The following PLXDC2 variants were observed in gnomAD, a reference collection of about 807,000 sequenced individuals.
PLXDC2 encodes plexin domain-containing protein 2.
PLXDC2 carries 40 observed loss-of-function variants against 68.9 expected under a neutral mutation model. The observed-to-expected ratio is 0.58, with a 90% confidence interval of 0.45 to 0.76. The LOEUF is 0.76. Among genes scored for constraint, PLXDC2 ranks in the 30% least tolerant of loss-of-function variants. The pLI, the probability that PLXDC2 is intolerant of heterozygous loss-of-function variation, is 0.00. For synonymous variants in PLXDC2, 243 were observed against 234.2 expected (o/e 1.04, Z -0.34); for missense variants, 644 against 661.9 (o/e 0.97, Z 0.30).
At position 20,056,329 on chromosome 10, in the gene PLXDC2, G is replaced by A. The variant is rs1219999633; in HGVS notation, c.471+9314G>A. On this transcript the variant is annotated intron_variant, in intron 3 of 13. Transcript: ENST00000377252. Reference sequence around the variant, plus strand: ...ATTGCACAAAATTAACATGATTAGAGTGGCTGAATTGTATTTCTCTGCATG... The same window carrying A: ...ATTGCACAAAATTAACATGATTAGAATGGCTGAATTGTATTTCTCTGCATG... 3.9e-5 allele frequency among the ~76,000 whole-genome samples: 6 copies of A among 152,148 alleles called. No individual in the cohort carries two copies. In the East Asian group the frequency reaches 1.2e-3, roughly 29 times the overall value.
intron 1 of PLXDC2, among the ~76,000 whole-genome samples, chr10:19,845,321 T>C (rs1350094347): frequency 6.6e-6 from 1 of 152,132 alleles, no homozygotes; most frequent in Non-Finnish European, 1.5e-5. Context: ...CCAGATGAAA[T>C]GTTAAACTGA....
In PLXDC2 at chr10:20,192,427, A is replaced by G. The variant is rs371991578; in HGVS notation, c.1061+15018A>G. On this transcript the variant is annotated intron_variant, in intron 9 of 13. Transcript: ENST00000377252. ...AATAATTGAGGTTATTGCAAAGTGCATAATTGACAAGGTAGGGTCCTCATA... is the reference window on the plus strand; with the variant it reads ...AATAATTGAGGTTATTGCAAAGTGCGTAATTGACAAGGTAGGGTCCTCATA... Among the ~76,000 whole-genome samples the G allele has an allele frequency of 3.5e-4, 53 of 152,236 alleles. 1 individual carries two copies. The East Asian group carries it at 7.4e-3, about 21-fold the overall frequency.
intron 4 of PLXDC2, among the ~76,000 whole-genome samples, chr10:20,121,858 C>T (rs913989069): frequency 3.3e-5 from 5 of 152,126 alleles, no homozygotes; most frequent in East Asian, 1.9e-4. Context: ...CTGTAGCAGG[C>T]GAGTGATAAC....
chr10:20,279,596 G>T, intron 13 of PLXDC2, 107 bp from the exon 14 acceptor site: 1 of 824,938 alleles, frequency 1.2e-6, no homozygotes, highest in Non-Finnish European at 2.0e-6. Flanking sequence ...ATAATTTAAT[G>T]TGTTAATTAA....
chr10:20,132,736 T>C (rs1259637630), intron 4 of PLXDC2, among the ~76,000 whole-genome samples: 1 of 149,442 alleles, frequency 6.7e-6, no homozygotes, highest in East Asian at 2.0e-4. Context: ...AAGCTAAGGT[T>C]AAGTCTTTTG....
At chr10:20,147,994 T>C in intron 6 of PLXDC2, 92 bp downstream of exon 6, 2 of 876,836 alleles carry the variant, frequency 2.3e-6, no homozygotes, top group Admixed American at 2.2e-5. Context: ...TTTACAGCCA[T>C]GATCCTCAAA....
At chr10:19,966,455 G>GCACA (rs1462042772) in intron 1 of PLXDC2, among the ~76,000 whole-genome samples, 3 of 22,352 alleles carry the variant, frequency 1.3e-4, no homozygotes. Context: ...AAACATGTGT[G>GCACA]TATATGTACA....
chr10:20,190,550 A>G (rs980799010), intron 9 of PLXDC2, among the ~76,000 whole-genome samples: 3 of 151,656 alleles, frequency 2.0e-5, no homozygotes, highest in Admixed American at 1.3e-4. Context: ...TACATATGTA[A>G]CAAACCTGCA....
Position 20,259,798 on chromosome 10 carries a change from G to A in PLXDC2, c.1473+14293G>A, listed in dbSNP as rs530819809. ...GGACCTGTGTAAGAATTTCTGAAGG[G>A]GCTGGAGCAGTATAGCACAAGGAAT... On this transcript the variant is annotated intron_variant, in intron 13 of 13. Transcript: ENST00000377252. 3.9e-5 allele frequency among the ~76,000 whole-genome samples: 6 copies of A among 152,290 alleles called. 1 individual carries two copies. The highest frequency in any genetic ancestry group is 1.4e-4 in the African/African-American group (6 of 41,570).
intron 4 of PLXDC2, among the ~76,000 whole-genome samples, chr10:20,082,512 T>C (rs1203357142): frequency 2.0e-5 from 3 of 152,206 alleles, no homozygotes; most frequent in Non-Finnish European, 2.9e-5. Context: ...GAAATGCAAG[T>C]TAAAACTATA....
intron 13 of PLXDC2, among the ~76,000 whole-genome samples, chr10:20,268,438 G>T (rs1340890571): frequency 6.6e-6 from 1 of 152,154 alleles, no homozygotes; most frequent in Non-Finnish European, 1.5e-5. Flanking sequence ...GGTCATATAT[G>T]TAAGTGTGGT....
chr10:19,867,696 G>A (rs1837447979), intron 1 of PLXDC2, among the ~76,000 whole-genome samples: 1 of 151,974 alleles, frequency 6.6e-6, no homozygotes, highest in Non-Finnish European at 1.5e-5. Flanking sequence ...GGGGCTCATG[G>A]CCTTCTTCCA....
intron 3 of PLXDC2, among the ~76,000 whole-genome samples, chr10:20,055,189 C>A (rs1199243159): frequency 6.6e-6 from 1 of 152,016 alleles, no homozygotes; most frequent in Non-Finnish European, 1.5e-5. Flanking sequence ...TTATATTGAA[C>A]TGTCCTTGAT....
rs575291477 is a variant in PLXDC2, at chr10:20,054,838, A to C, written c.471+7823A>C. Among the ~76,000 whole-genome samples, 6 of 152,126 alleles carry C rather than the reference A, an allele frequency of 3.9e-5. No individual in the cohort carries two copies. In the East Asian group the frequency reaches 9.7e-4, roughly 25 times the overall value. On this transcript the variant is annotated intron_variant, in intron 3 of 13. Coordinates refer to ENST00000377252, the MANE Select transcript of PLXDC2 (RefSeq NM_032812.9). ...CTTCACGTTGTGCACATGTACCCTA[A>C]AACTTAAAGTATAATAATAAAAAAA...
intron 13 of PLXDC2, among the ~76,000 whole-genome samples, chr10:20,268,181 T>C (rs1835894812): frequency 6.6e-6 from 1 of 152,190 alleles, no homozygotes; most frequent in African/African-American, 2.4e-5. Flanking sequence ...TATTGTTCCT[T>C]TTTTCAGGGT....
At chr10:19,837,715 G>A (rs1251261902) in intron 1 of PLXDC2, among the ~76,000 whole-genome samples, 1 of 152,118 alleles carries the variant, frequency 6.6e-6, no homozygotes, top group African/African-American at 2.4e-5. Flanking sequence ...GAATATAAAT[G>A]TGCATCAGTC....
chr10:20,125,828 A>G (rs1018602628), intron 4 of PLXDC2, among the ~76,000 whole-genome samples: 19 of 152,082 alleles, frequency 1.2e-4, no homozygotes, highest in African/African-American at 4.3e-4. Context: ...TTGCAACTCA[A>G]CGAGAGTAAG....
intron 4 of PLXDC2, among the ~76,000 whole-genome samples, chr10:20,118,251 G>C (rs10458694): frequency 6.6e-6 from 1 of 151,830 alleles, no homozygotes; most frequent in Non-Finnish European, 1.5e-5. Context: ...TGTTCAAATC[G>C]TAGGGCATAT....
intron 4 of PLXDC2, among the ~76,000 whole-genome samples, chr10:20,125,857 C>A (rs1217714444): frequency 2.6e-5 from 4 of 151,582 alleles, no homozygotes; most frequent in African/African-American, 4.8e-5. Flanking sequence ...TGAGGTCATA[C>A]AACTTGTAAG....
Sources: gnomAD v4.1 joint callset for allele counts (sites outside exome capture counted in the v4.1 genomes callset) on GRCh38, gnomAD v4.1.1 for gene constraint, MANE v1.5 for transcripts, NCBI Gene and HGNC (gene_info 2026-07-23, HGNC 2026-07-21) for gene names.